SLC25A29: variants seen among roughly 807,000 people sequenced by gnomAD.
SLC25A29 encodes solute carrier family 25 member 29, also known as mitochondrial basic amino acids transporter.
SLC25A29 carries 13 observed loss-of-function variants against 10.0 expected under a neutral mutation model. The observed-to-expected ratio is 1.30, with a 90% CI of 0.85 to 2.07. SLC25A29 has a LOEUF of 2.07. Among genes scored for constraint, SLC25A29 ranks in the 30% most tolerant of loss-of-function variants. The probability of loss-of-function intolerance (pLI) is 0.00; values close to 1 mark genes in which losing one functional copy is unlikely to be tolerated. For missense variants in SLC25A29, 475 were observed against 447.6 expected, an observed-to-expected ratio of 1.06 and a Z score of -0.55; for synonymous variants, 244 against 221.1, an observed-to-expected ratio of 1.10 and a Z score of -0.92.
the SLC25A29 span, among the ~76,000 whole-genome samples, chr14:100,285,647 C>T: frequency 1.3e-5 from 2 of 152,050 alleles, no homozygotes; most frequent in Non-Finnish European, 1.5e-5. Flanking sequence ...GCCCGAGAAA[C>T]GCGGAAGGAG....
rs1418260021 is a variant in SLC25A29, at chr14:100,292,606, C to T, written c.589G>A (p.Gly197Ser). The T allele has an allele frequency of 1.9e-6, 3 of 1,604,890 alleles. No homozygotes were observed. Among genetic ancestry groups the T allele is most frequent in the East Asian group, 4.5e-5 (2 of 44,434 alleles). The change falls in exon 4 of 4, where the codon GGT becomes AGT. Residue 197 changes from glycine to serine, a missense_variant. Gly to Ser is a moderately conservative substitution (Grantham distance 56). Coordinates refer to ENST00000359232, the MANE Select transcript of SLC25A29 (RefSeq NM_001039355.3). ...LLVPKLLLAGGTSGIVSWLST... is the reference protein window; with the variant it reads ...LLVPKLLLAGSTSGIVSWLST... ...AGCCAGGACACGATGCCTGACGTAC[C>T]GCCCGCCAACAGCAGCTTGGGCACC... is the stretch of plus-strand genomic sequence containing the variant.
chr14:100,299,401 C>A (rs1003402647), intron 1 of SLC25A29: 10 of 996,986 alleles, frequency 1.0e-5, no homozygotes, highest in African/African-American at 1.7e-5. Context: ...ACCTCCCTCC[C>A]CCAGAGTGGC....
At chr14:100,289,431 T>G (rs1385771323), downstream of SLC25A29, among the ~76,000 whole-genome samples, 1 of 152,182 alleles carries the variant, frequency 6.6e-6, no homozygotes, top group Non-Finnish European at 1.5e-5. Context: ...TGTCCTCGAC[T>G]CAGGAGGAGA....
chr14:100,296,093 G>A (rs1892128855), intron 2 of SLC25A29: 3 of 1,143,496 alleles, frequency 2.6e-6, no homozygotes, highest in African/African-American at 1.6e-5. Context: ...TGATCCTAGG[G>A]TACAGCTGCA....
chr14:100,306,355 G>T lies in SLC25A29; in HGVS notation c.-123C>A, dbSNP rs1351079705. The T allele has an allele frequency of 4.1e-5, 42 of 1,018,058 alleles. No individual in the cohort carries two copies. The highest frequency in any genetic ancestry group is 5.3e-5 in the Non-Finnish European group (42 of 794,650). 63.1% of individuals were successfully genotyped at this position (1,018,058 alleles called of 1,614,324 possible). A position where few individuals can be genotyped will look rare whatever the true frequency, so the allele number is the denominator to read the frequency against. On this transcript the variant is annotated 5_prime_UTR_variant, in exon 1 of 4. Transcript: ENST00000359232. ...GGGCTGGGCCTGGCCGCTCCTCCTG[G>T]CGCGGAGCCCGGGCAGGCGCGGTCA...
chr14:100,302,879 G>A (rs1390860917), intron 1 of SLC25A29, among the ~76,000 whole-genome samples: 1 of 151,998 alleles, frequency 6.6e-6, no homozygotes, highest in Non-Finnish European at 1.5e-5. Flanking sequence ...TGCCAAGGGT[G>A]TGTCTTTTTC....
intron 1 of SLC25A29, 22 bp downstream of exon 1, chr14:100,306,177 G>C: frequency 6.8e-7 from 1 of 1,465,112 alleles, no homozygotes; most frequent in Non-Finnish European, 9.0e-7. Context: ...CCCCGGCCCG[G>C]CCCGGCCCGC....
At chr14:100,293,262 C>T in intron 3 of SLC25A29, 32 bp downstream of exon 3, 1 of 1,607,146 alleles carries the variant, frequency 6.2e-7, no homozygotes, top group Middle Eastern at 1.7e-4. Context: ...CCATCCTGTG[C>T]CTCCCGAGCC....
the SLC25A29 span, among the ~76,000 whole-genome samples, chr14:100,285,750 C>A: frequency 6.6e-6 from 1 of 152,086 alleles, no homozygotes; most frequent in African/African-American, 2.4e-5. Context: ...GCGGCGGCGA[C>A]GCCCGAGGAG....
At chr14:100,285,626 G>A in the SLC25A29 span, among the ~76,000 whole-genome samples, 1 of 152,100 alleles carries the variant, frequency 6.6e-6, no homozygotes, top group Non-Finnish European at 1.5e-5. Context: ...ACGGGGGCGC[G>A]GAGATTCAGA....
At chr14:100,285,529 TG>T in the SLC25A29 span, among the ~76,000 whole-genome samples, 1 of 150,550 alleles carries the variant, frequency 6.6e-6, no homozygotes, top group Non-Finnish European at 1.5e-5. Context: ...CGAGGCGCGG[TG>T]GGGGCTGTCC....
intron 1 of SLC25A29, chr14:100,299,987 C>T: frequency 1.0e-6 from 1 of 985,304 alleles, no homozygotes; most frequent in Non-Finnish European, 1.2e-6. Flanking sequence ...TACTTTGGAC[C>T]TGGCCAGGTG....
At position 100,292,116 on chromosome 14, in the gene SLC25A29, T is replaced by G; in HGVS notation, c.*167A>C. 2 of 797,996 alleles carry G rather than the reference T, an allele frequency of 2.5e-6. No individual in the cohort carries two copies. Among genetic ancestry groups the G allele is most frequent in the Non-Finnish European group, 4.1e-6 (2 of 486,976 alleles). 49.4% of individuals were successfully genotyped at this position (797,996 alleles called of 1,614,324 possible). ...TCATAGATGAGAACACTGAGGCAAG[T>G]GCAGTTCTCGGCCAAAACTACCCAG... is the stretch of plus-strand genomic sequence containing the variant. On this transcript the variant is annotated 3_prime_UTR_variant, in exon 4 of 4. Coordinates refer to ENST00000359232, the MANE Select transcript of SLC25A29 (RefSeq NM_001039355.3).
rs1195238776 is a variant in SLC25A29 at position 100,292,301 on chromosome 14, C to A, written c.894G>T (p.Ala298=). 2 of 1,526,762 alleles carry A rather than the reference C, an allele frequency of 1.3e-6. No homozygotes were observed. The highest frequency in any genetic ancestry group is 2.5e-5 in the East Asian group (1 of 39,804). 94.6% of individuals were successfully genotyped at this position (1,526,762 alleles called of 1,614,324 possible). A position where few individuals can be genotyped will look rare whatever the true frequency, so the allele number is the denominator to read the frequency against. ...GTGAGCGTCACAGGCTGGAGGGCTG[C>A]GCCAGGGCAGGCCCCGCAGGGGCGG... ...VPAAPAGPAL[A]QPSSL The change falls in exon 4 of 4, where the codon GCG becomes GCT. Residue 298 remains alanine, a synonymous_variant. Transcript: ENST00000359232.
At chr14:100,295,461 G>A in intron 2 of SLC25A29, 4 of 707,514 alleles carry the variant, frequency 5.7e-6, no homozygotes, top group Non-Finnish European at 8.0e-6. Context: ...AGAGGGGGCT[G>A]ATTTTTTTTG....
At chr14:100,289,089 A>C (rs1198500616), downstream of SLC25A29, among the ~76,000 whole-genome samples, 1 of 152,222 alleles carries the variant, frequency 6.6e-6, no homozygotes, top group African/African-American at 2.4e-5. Flanking sequence ...CTAGGGAGCC[A>C]AGGATTGCCA....
Position 100,293,360 on chromosome 14 carries a change from C to T in SLC25A29, c.96G>A (p.Gln32=), listed in dbSNP as rs758634919. 8.1e-6 allele frequency: 13 copies of T among 1,613,210 alleles called. No homozygotes were observed. The highest frequency in any genetic ancestry group is 1.1e-5 in the Non-Finnish European group (13 of 1,179,964). ...CGCGGTACTGAGGCTTCTCCACGCT[C>T]TGGACCTGAAGCCGTACCTGGAAGG... ...FDTVKVRLQV[Q]SVEKPQYRGT... is the part of the protein sequence containing the mutation. The change falls in exon 3 of 4, where the codon CAG becomes CAA. Residue 32 remains glutamine (Q), a synonymous_variant. Coordinates refer to ENST00000359232, the MANE Select transcript of SLC25A29 (RefSeq NM_001039355.3).
intron 1 of SLC25A29, among the ~76,000 whole-genome samples, chr14:100,300,247 C>G (rs910131398): frequency 1.3e-5 from 2 of 152,086 alleles, no homozygotes; most frequent in African/African-American, 4.8e-5. Context: ...CTCCAGCGAC[C>G]CAGAGAGCAA....
rs761413535 is a variant in SLC25A29 at position 100,292,445 on chromosome 14, C to T, written c.750G>A (p.Gly250=). The change falls in exon 4 of 4, where the codon GGG becomes GGA. Residue 250 remains glycine (G), a synonymous_variant. Coordinates refer to ENST00000359232, the MANE Select transcript of SLC25A29 (RefSeq NM_001039355.3). ...AGGCGCGCAGCAGCGTGGACGCCAG[C>T]CCCCGTGTGAAGACGCGCCAGCCCT... ...RAEGWRVFTR[G]LASTLLRAFP... 1.9e-6 allele frequency: 3 copies of T among 1,579,238 alleles called. No homozygotes were observed. Among genetic ancestry groups the T allele is most frequent in the South Asian group, 1.1e-5 (1 of 87,042 alleles).
Sources: gnomAD v4.1 joint callset for allele counts (sites outside exome capture counted in the v4.1 genomes callset) on GRCh38, gnomAD v4.1.1 for gene constraint, MANE v1.5 for transcripts, NCBI Gene and HGNC (gene_info 2026-07-23, HGNC 2026-07-21) for gene names.